Variants in GRID1 observed in about 807,000 individuals in gnomAD.
GRID1 encodes glutamate receptor ionotropic, delta-1.
A neutral mutation model predicts 98.0 loss-of-function variants in GRID1; 28 were observed. That is an observed-to-expected ratio of 0.29 (90% CI 0.21 to 0.39). The LOEUF (loss-of-function observed/expected upper bound fraction) is 0.39, where lower values mean the gene tolerates loss of function less well. Among genes scored for constraint, GRID1 ranks in the 10% least tolerant of loss-of-function variants. The probability of loss-of-function intolerance (pLI) is 1.00; values close to 1 mark genes in which losing one functional copy is unlikely to be tolerated. For synonymous variants in GRID1, 553 were observed against 538.5 expected (o/e 1.03, Z -0.37); for missense variants, 1,111 against 1,340.5 (o/e 0.83, Z 2.67).
chr10:85,999,852 CTA>C (rs1842784126), intron 4 of GRID1, among the ~76,000 whole-genome samples: 2 of 152,160 alleles, frequency 1.3e-5, no homozygotes, highest in African/African-American at 2.4e-5. Context: ...TTTCTAAAAC[CTA>C]TGTCTAACAT....
intron 12 of GRID1, among the ~76,000 whole-genome samples, chr10:85,687,576 G>A (rs148727629): frequency 0.018 from 2,742 of 152,102 alleles, 34 homozygotes; most frequent in Middle Eastern, 0.044. Context: ...GCTGCAATGA[G>A]CTAAGATGGC....
chr10:86,353,086 A>G (rs1298331788), intron 2 of GRID1, among the ~76,000 whole-genome samples: 1 of 151,590 alleles, frequency 6.6e-6, no homozygotes. Context: ...GTGTTTATTG[A>G]GTGTGCACTA....
intron 8 of GRID1, among the ~76,000 whole-genome samples, chr10:85,731,979 G>A (rs902226899): frequency 5.9e-5 from 9 of 151,938 alleles, no homozygotes; most frequent in African/African-American, 9.7e-5. Context: ...GAAAGGAAAG[G>A]AAGAAATTGC....
At chr10:86,143,132 T>G (rs1421859151) in intron 3 of GRID1, among the ~76,000 whole-genome samples, 2 of 152,190 alleles carry the variant, frequency 1.3e-5, no homozygotes, top group Non-Finnish European at 2.9e-5. Context: ...GAAGCCAGTG[T>G]TCCTGAGGGA....
chr10:86,053,525 AT>A (rs532658336), intron 4 of GRID1, among the ~76,000 whole-genome samples: 3,617 of 151,008 alleles, frequency 0.024, 69 homozygotes, highest in Middle Eastern at 0.037. Context: ...TGCCTGGCTA[AT>A]TTTTTTTGTA....
chr10:86,330,928 C>A (rs570703598), intron 2 of GRID1, among the ~76,000 whole-genome samples: 1 of 152,206 alleles, frequency 6.6e-6, no homozygotes, highest in East Asian at 1.9e-4. Context: ...CAGCAAGTTC[C>A]CGCAGCCAAG....
chr10:86,237,303 G>C (rs909921748), intron 2 of GRID1, among the ~76,000 whole-genome samples: 2 of 152,298 alleles, frequency 1.3e-5, no homozygotes, highest in African/African-American at 2.4e-5. Flanking sequence ...CCCCAGTGTT[G>C]GACGGGGGGC....
intron 2 of GRID1, among the ~76,000 whole-genome samples, chr10:86,286,805 T>G (rs764870082): frequency 2.6e-5 from 4 of 152,194 alleles, no homozygotes; most frequent in Non-Finnish European, 4.4e-5. Flanking sequence ...CCGGCAGGGT[T>G]GACAGCTATC....
At chr10:85,877,806 G>A (rs1006237659) in intron 5 of GRID1, among the ~76,000 whole-genome samples, 2 of 152,218 alleles carry the variant, frequency 1.3e-5, no homozygotes, top group Non-Finnish European at 2.9e-5. Flanking sequence ...GAAGGCTTCA[G>A]ACGATGAAAA....
intron 12 of GRID1, among the ~76,000 whole-genome samples, chr10:85,715,562 A>G (rs1425516951): frequency 6.6e-6 from 1 of 152,240 alleles, no homozygotes. Flanking sequence ...CTGAATAGAC[A>G]TTTCTCAAAA....
chr10:85,803,497 T>C (rs1842595733), intron 8 of GRID1, among the ~76,000 whole-genome samples: 1 of 152,052 alleles, frequency 6.6e-6, no homozygotes, highest in South Asian at 2.1e-4. Flanking sequence ...CTATTGTTTT[T>C]CTATCAGACA....
intron 4 of GRID1, among the ~76,000 whole-genome samples, chr10:86,025,528 A>G (rs563278365): frequency 6.2e-4 from 94 of 152,318 alleles, no homozygotes; most frequent in African/African-American, 1.9e-3. Flanking sequence ...CATTCTATGT[A>G]CCACGTGCTT....
chr10:85,817,706 A>G (rs1842728432), intron 8 of GRID1, among the ~76,000 whole-genome samples: 1 of 152,166 alleles, frequency 6.6e-6, no homozygotes, highest in Admixed American at 6.5e-5. Flanking sequence ...AGCCTGGCCA[A>G]CATGGTGAAA....
chr10:86,068,176 G>A (rs1380855038), intron 4 of GRID1, among the ~76,000 whole-genome samples: 2 of 152,174 alleles, frequency 1.3e-5, no homozygotes, highest in Non-Finnish European at 2.9e-5. Flanking sequence ...ACAGTGACTT[G>A]GCCAAGGTCA....
chr10:86,133,324 ATG>A (rs148858362), intron 4 of GRID1, among the ~76,000 whole-genome samples: 3 of 151,744 alleles, frequency 2.0e-5, no homozygotes, highest in African/African-American at 2.4e-5. Context: ...CCATGTGTGC[ATG>A]TGTGTGTGTG....
chr10:85,860,751 G>A (rs1843156702), intron 6 of GRID1, among the ~76,000 whole-genome samples: 1 of 152,228 alleles, frequency 6.6e-6, no homozygotes, highest in Non-Finnish European at 1.5e-5. Flanking sequence ...CGTGGATACA[G>A]CAAGCACTCA....
At position 85,919,434 on chromosome 10, in the gene GRID1, C is replaced by G. The variant is rs147572252; in HGVS notation, c.727-3195G>C. On this transcript the variant is annotated intron_variant, in intron 4 of 15. Coordinates refer to ENST00000327946, the MANE Select transcript of GRID1 (RefSeq NM_017551.3). ...GCAGCCTTTTCCAGAGGGTGCCACT[C>G]GCACAGAGGCTGAGATAGATGGAGA... Among the ~76,000 whole-genome samples, 21 of 152,262 alleles carry G rather than the reference C, an allele frequency of 1.4e-4. No homozygotes were observed. In the East Asian group the frequency reaches 2.9e-3, roughly 21 times the overall value.
chr10:86,122,642 G>A (rs756970340), intron 4 of GRID1, among the ~76,000 whole-genome samples: 1 of 152,232 alleles, frequency 6.6e-6, no homozygotes, highest in Admixed American at 6.5e-5. Flanking sequence ...AAAGGACACT[G>A]CCCCTCATAG....
intron 2 of GRID1, among the ~76,000 whole-genome samples, chr10:86,351,524 G>T (rs573381952): frequency 6.6e-6 from 1 of 152,316 alleles, no homozygotes. Context: ...GTAGGCATGA[G>T]ATTCGCAGAG....
Sources: allele counts gnomAD v4.1 joint callset (sites outside exome capture counted in the v4.1 genomes callset), GRCh38; gene constraint gnomAD v4.1.1; transcripts MANE v1.5; gene names NCBI Gene and HGNC (gene_info 2026-07-23, HGNC 2026-07-21).